LRRC36: variants seen among roughly 807,000 people sequenced by gnomAD.
LRRC36 encodes the protein leucine-rich repeat-containing protein 36.
LRRC36 carries 62 observed loss-of-function variants against 81.1 expected under a neutral mutation model. The ratio of observed to expected loss-of-function variants is 0.76; its 90% confidence interval spans 0.62 to 0.94. The LOEUF is 0.94. LRRC36 is among the 40% of genes least tolerant of loss of function. The pLI, the probability that LRRC36 is intolerant of heterozygous loss-of-function variation, is 0.00. For synonymous variants in LRRC36, 334 were observed against 348.6 expected (o/e 0.96, Z 0.47); for missense variants, 761 against 881.7 (o/e 0.86, Z 1.73).
intron 9 of LRRC36, 75 bp from the exon 10 acceptor site, chr16:67,375,172 C>A (rs1311009641): frequency 9.5e-6 from 14 of 1,466,728 alleles, no homozygotes; most frequent in Non-Finnish European, 1.3e-5. Flanking sequence ...TAAATTCTTA[C>A]TTCCTTTATT....
intron 5 of LRRC36, among the ~76,000 whole-genome samples, chr16:67,362,755 C>CT (rs904259799): frequency 1.3e-4 from 19 of 147,194 alleles, no homozygotes; most frequent in South Asian, 1.3e-3. Context: ...GTTTCTCTCT[C>CT]TTTTTTTTGT....
At chr16:67,332,905 TA>T (rs1156305022) in intron 1 of LRRC36, among the ~76,000 whole-genome samples, 1 of 151,108 alleles carries the variant, frequency 6.6e-6, no homozygotes. Context: ...TATTTTTTTT[TA>T]AAAAAAACAT....
Position 67,343,650 on chromosome 16 carries a change from G to A in LRRC36, c.198+1566G>A, listed in dbSNP as rs138045765. ...GCAGAGGTTGCAGTGAGCCTAGATC[G>A]CACCACTACACTCCAGCCTGGGCAA... On this transcript the variant is annotated intron_variant, in intron 2 of 13. Coordinates refer to ENST00000329956, the MANE Select transcript of LRRC36 (RefSeq NM_018296.6). Among the ~76,000 whole-genome samples the A allele has an allele frequency of 5.5e-3, 816 of 147,702 alleles. 11 individuals carry two copies. Among genetic ancestry groups the A allele is most frequent in the African/African-American group, 0.019 (753 of 39,860 alleles).
At chr16:67,381,230 GAAA>G (rs1179228134) in intron 12 of LRRC36, among the ~76,000 whole-genome samples, 16 of 41,110 alleles carry the variant, frequency 3.9e-4, no homozygotes, top group African/African-American at 9.5e-4. Context: ...CTCTGCCTCA[GAAA>G]AAAAAAAAAA....
At chr16:67,380,058 G>T (rs1227338142) in intron 12 of LRRC36, among the ~76,000 whole-genome samples, 3 of 151,848 alleles carry the variant, frequency 2.0e-5, no homozygotes, top group African/African-American at 7.3e-5. Flanking sequence ...TGAAGTGAAG[G>T]AAAAGACCCT....
At chr16:67,375,475 C>A in intron 10 of LRRC36, 63 bp downstream of exon 10, 1 of 1,401,184 alleles carries the variant, frequency 7.1e-7, no homozygotes, top group Non-Finnish European at 9.5e-7. Flanking sequence ...CTGTGTTCTG[C>A]TAAAAGCCAC....
intron 8 of LRRC36, among the ~76,000 whole-genome samples, chr16:67,368,761 G>A (rs1055356362): frequency 2.0e-5 from 3 of 152,176 alleles, no homozygotes; most frequent in South Asian, 4.1e-4. Flanking sequence ...TGGAATCAGC[G>A]TAACAGATGA....
intron 1 of LRRC36, among the ~76,000 whole-genome samples, chr16:67,327,664 G>T (rs987124327): frequency 2.0e-5 from 3 of 152,136 alleles, no homozygotes; most frequent in Admixed American, 1.3e-4. Context: ...AAAGCTACGG[G>T]AGTGGATGAA....
In LRRC36 at chr16:67,347,510, G is replaced by A. The variant is rs144738060; in HGVS notation, c.407G>A (p.Arg136His). The A allele has an allele frequency of 3.7e-5, 59 of 1,613,246 alleles. No individual in the cohort carries two copies. The African/African-American group carries it at 6.3e-4, about 17-fold the overall frequency. The change falls in exon 4 of 14, where the codon CGT becomes CAT. Residue 136 changes from arginine (R) to histidine (H), a missense_variant. Arg to His is a conservative substitution (Grantham distance 29, BLOSUM62 0). Around this residue, in one of 3 missense-constraint regions of LRRC36, gnomAD observed 263 missense variants for 279.3 expected, o/e 0.94. Transcript: ENST00000329956. ...TLEKLDDRTV[R>H]EGERKAAKLH... ...TTGCCTCCAGATGACCGAACTGTAC[G>A]TGAAGGTGAGAGAAAAGCTGCCAAG...
intron 1 of LRRC36, 35 bp from the exon 2 acceptor site, chr16:67,341,922 G>T: frequency 6.3e-7 from 1 of 1,576,032 alleles, no homozygotes; most frequent in Admixed American, 1.8e-5. Flanking sequence ...ATCCGAGCAG[G>T]GATCATAATA....
intron 10 of LRRC36, among the ~76,000 whole-genome samples, 177 bp from the exon 11 acceptor site, chr16:67,376,550 T>G (rs569740798): frequency 6.6e-6 from 1 of 152,318 alleles, no homozygotes; most frequent in South Asian, 2.1e-4. Flanking sequence ...CCATAGAGGA[T>G]GTAGGATATA....
intron 8 of LRRC36, among the ~76,000 whole-genome samples, 166 bp downstream of exon 8, chr16:67,367,623 G>C (rs1179861013): frequency 2.0e-5 from 3 of 152,198 alleles, no homozygotes; most frequent in Non-Finnish European, 4.4e-5. Flanking sequence ...TAGGGTATGA[G>C]TTTAACATGA....
intron 4 of LRRC36, 23 bp downstream of exon 4, chr16:67,347,614 T>C (rs1312800421): frequency 5.1e-6 from 8 of 1,580,298 alleles, no homozygotes; most frequent in Non-Finnish European, 6.9e-6. Context: ...TTTACAAAAT[T>C]TTTAAAGTTT....
chr16:67,382,943 C>T (rs943440129), intron 13 of LRRC36, among the ~76,000 whole-genome samples: 7 of 151,984 alleles, frequency 4.6e-5, no homozygotes, highest in African/African-American at 1.4e-4. Flanking sequence ...GTTTAAGGCG[C>T]GTGCCTGTAG....
Position 67,329,815 on chromosome 16 carries a change from G to A in LRRC36, c.70+2883G>A, listed in dbSNP as rs188168151. The stretch of plus-strand genomic sequence containing the variant: ...CACCTGTAATCCCAACTACTTGGGA[G>A]GCTGAGGCAGGAGAATCGCTTGAAC... On this transcript the variant is annotated intron_variant, in intron 1 of 13. Coordinates refer to ENST00000329956, the MANE Select transcript of LRRC36 (RefSeq NM_018296.6). 6.2e-3 allele frequency among the ~76,000 whole-genome samples: 937 copies of A among 152,184 alleles called. 3 individuals are homozygous for A. Among genetic ancestry groups the A allele is most frequent in the Non-Finnish European group, 7.3e-3 (498 of 68,022 alleles).
Position 67,378,592 on chromosome 16 carries a change from A to T in LRRC36, c.1810A>T (p.Ser604Cys). The change falls in exon 12 of 14, where the codon AGT (serine) becomes TGT (cysteine). Residue 604 changes from serine (S) to cysteine (C), a missense_variant. This residue lies in a region of LRRC36 where 359 missense variants were observed against 388.4 expected (regional missense o/e 0.92). Transcript: ENST00000329956. ...TATTTTGTTTTCTAATCTAAAGGAA[A>T]GTTTGAAGCAAAAACTGGTCAGAGT... ...AAQLVPNDME[S>C]LKQKLVRVLE... 6.2e-7 allele frequency: 1 copy of T among 1,613,798 alleles called. No individual in the cohort carries two copies. The highest frequency in any genetic ancestry group is 8.5e-7 in the Non-Finnish European group (1 of 1,179,818).
Position 67,371,195 on chromosome 16 carries a change from G to A in LRRC36, c.1447G>A (p.Ala483Thr), listed in dbSNP as rs2039622336. The A allele has an allele frequency of 1.2e-6, 2 of 1,614,186 alleles. No individual in the cohort carries two copies. The highest frequency in any genetic ancestry group is 4.5e-5 in the East Asian group (2 of 44,888). ...RGFKWKDNILANLNLKHGFQD... is the reference protein window; with the variant it reads ...RGFKWKDNILTNLNLKHGFQD... ...ATTCAAATGGAAGGACAATATCCTT[G>A]CCAACCTGAATCTAAAGCATGGTTT... Residue 483 changes from alanine to threonine, a missense_variant, in exon 9 of 14, where the codon GCC (alanine) becomes ACC (threonine). Physicochemically the swap from Ala to Thr is moderately conservative, Grantham distance 58. Transcript: ENST00000329956.
In LRRC36 at chr16:67,351,568, G is replaced by A. The variant is rs532122753; in HGVS notation, c.577+1278G>A. ...CTAAAAATACAAAAATTAGCCATGC[G>A]TGGTGGCACATGCTTGCAATCCCAG... On this transcript the variant is annotated intron_variant, in intron 5 of 13. Coordinates refer to ENST00000329956, the MANE Select transcript of LRRC36 (RefSeq NM_018296.6). 9.9e-5 allele frequency among the ~76,000 whole-genome samples: 15 copies of A among 152,236 alleles called. No homozygotes were observed. The East Asian group carries it at 1.9e-3, about 20-fold the overall frequency.
At chr16:67,383,827 T>G (rs1015557422) in intron 13 of LRRC36, among the ~76,000 whole-genome samples, 1 of 152,242 alleles carries the variant, frequency 6.6e-6, no homozygotes, top group African/African-American at 2.4e-5. Flanking sequence ...TGCTGTCCTT[T>G]CCTTCCCTCC....
Sources: allele counts gnomAD v4.1 joint callset (sites outside exome capture counted in the v4.1 genomes callset), GRCh38; gene constraint gnomAD v4.1.1; regional missense constraint gnomAD v4.1.1; transcripts MANE v1.5; gene names NCBI Gene and HGNC (gene_info 2026-07-23, HGNC 2026-07-21).